Variants in SCAF8 observed in about 807,000 individuals in gnomAD.
The protein encoded by SCAF8 is SR-related and CTD-associated factor 8.
In SCAF8, 23 loss-of-function variants were observed where a neutral mutation model predicts 140.5. That is an observed-to-expected ratio of 0.16 (90% CI 0.12 to 0.23). The LOEUF (loss-of-function observed/expected upper bound fraction) is 0.23, where lower values mean the gene tolerates loss of function less well. Ranked by LOEUF, SCAF8 falls within the 10% of genes least tolerant of loss-of-function variation. The pLI is 1.00. For synonymous variants in SCAF8, 575 were observed against 528.9 expected (o/e 1.09, Z -1.20); for missense variants, 1,397 against 1,555.7 (o/e 0.90, Z 1.72).
At chr6:154,813,759 G>A (rs1365427401) in intron 12 of SCAF8, among the ~76,000 whole-genome samples, 1 of 152,114 alleles carries the variant, frequency 6.6e-6, no homozygotes, top group African/African-American at 2.4e-5. Context: ...TTAATTACAC[G>A]GGTACATAAG....
chr6:154,783,901 C>T (rs1220514327), intron 3 of SCAF8, among the ~76,000 whole-genome samples: 1 of 151,568 alleles, frequency 6.6e-6, no homozygotes, highest in Non-Finnish European at 1.5e-5. Context: ...GAAATCCCGT[C>T]TCTACTAATA....
At chr6:154,775,627 G>A (rs1344528792) in intron 2 of SCAF8, among the ~76,000 whole-genome samples, 1 of 152,094 alleles carries the variant, frequency 6.6e-6, no homozygotes, top group Admixed American at 6.6e-5. Context: ...CTAACTCTTT[G>A]GACACAGTGG....
At chr6:154,773,242 A>G (rs1776822727) in intron 1 of SCAF8, among the ~76,000 whole-genome samples, 1 of 152,196 alleles carries the variant, frequency 6.6e-6, no homozygotes, top group Admixed American at 6.6e-5. Context: ...CAGCTCTTTC[A>G]GCCCTAGACA....
At chr6:154,821,789 T>C (rs1778429410) in intron 15 of SCAF8, among the ~76,000 whole-genome samples, 1 of 152,176 alleles carries the variant, frequency 6.6e-6, no homozygotes, top group African/African-American at 2.4e-5. Flanking sequence ...GTCATGTAAA[T>C]CTTATTTGTC....
chr6:154,770,369 T>TACACACAC lies in SCAF8; in HGVS notation c.31-3607_31-3600dup, dbSNP rs1226898910. Among the ~76,000 whole-genome samples the TACACACAC allele has an allele frequency of 1.0e-3, 149 of 146,280 alleles. 1 individual carries two copies. The highest frequency in any genetic ancestry group is 2.0e-3 in the Non-Finnish European group (129 of 65,664). On this transcript the variant is annotated intron_variant, in intron 1 of 19. Coordinates refer to ENST00000367178, the MANE Select transcript of SCAF8 (RefSeq NM_014892.5). ...GTGCCAGCTACTTGAGAGGTTGAGG[T>TACACACAC]ACACACACACACACACACACTCTCT...
intron 12 of SCAF8, among the ~76,000 whole-genome samples, chr6:154,814,943 A>G (rs1778203009): frequency 6.6e-6 from 1 of 152,160 alleles, no homozygotes; most frequent in Non-Finnish European, 1.5e-5. Context: ...TGCTGTTTTT[A>G]GATTTATCTC....
chr6:154,759,033 C>T (rs1211282064), intron 1 of SCAF8, among the ~76,000 whole-genome samples: 1 of 152,182 alleles, frequency 6.6e-6, no homozygotes, highest in Non-Finnish European at 1.5e-5. Context: ...CCTCAGCTCC[C>T]ATGCACAGCC....
At chr6:154,763,165 A>G (rs891143641) in intron 1 of SCAF8, among the ~76,000 whole-genome samples, 5 of 151,922 alleles carry the variant, frequency 3.3e-5, no homozygotes, top group Non-Finnish European at 7.4e-5. Context: ...TCCCCTCCTC[A>G]TTCTGCTTTT....
chr6:154,812,996 T>G (rs1180064641), intron 12 of SCAF8, among the ~76,000 whole-genome samples: 1 of 150,570 alleles, frequency 6.6e-6, no homozygotes, highest in African/African-American at 2.4e-5. Flanking sequence ...GCCAGGAGTT[T>G]AAGACCAGCC....
chr6:154,796,625 G>A (rs998025123), intron 6 of SCAF8, among the ~76,000 whole-genome samples: 1 of 151,974 alleles, frequency 6.6e-6, no homozygotes, highest in Non-Finnish European at 1.5e-5. Context: ...TGTATTCTGT[G>A]CAGTACAACC....
At chr6:154,796,165 T>G (rs930091362) in intron 6 of SCAF8, among the ~76,000 whole-genome samples, 1 of 152,194 alleles carries the variant, frequency 6.6e-6, no homozygotes, top group African/African-American at 2.4e-5. Flanking sequence ...CTCATAGAAA[T>G]ACCTCATTTT....
intron 1 of SCAF8, among the ~76,000 whole-genome samples, chr6:154,754,743 T>C (rs544846354): frequency 2.2e-4 from 34 of 152,216 alleles, no homozygotes; most frequent in Non-Finnish European, 4.9e-4. Flanking sequence ...TTGTAGGCTC[T>C]TCTTCTACTT....
At chr6:154,771,891 G>A (rs972984504) in intron 1 of SCAF8, among the ~76,000 whole-genome samples, 3 of 151,922 alleles carry the variant, frequency 2.0e-5, no homozygotes, top group Admixed American at 1.3e-4. Context: ...AGTTGGGGGG[G>A]AAAAAAAGAA....
At chr6:154,816,762 T>A (rs1778262769) in intron 13 of SCAF8, among the ~76,000 whole-genome samples, 1 of 152,218 alleles carries the variant, frequency 6.6e-6, no homozygotes, top group African/African-American at 2.4e-5. Context: ...ATGGCCAAAC[T>A]TGACTTTTCT....
intron 1 of SCAF8, among the ~76,000 whole-genome samples, chr6:154,759,587 A>G (rs752892392): frequency 2.6e-5 from 4 of 152,092 alleles, no homozygotes; most frequent in Admixed American, 6.5e-5. Context: ...ATTCGTCACA[A>G]TAATCTTTAA....
intron 1 of SCAF8, among the ~76,000 whole-genome samples, chr6:154,770,532 C>G (rs1169856547): frequency 1.3e-5 from 2 of 151,900 alleles, no homozygotes; most frequent in Non-Finnish European, 2.9e-5. Context: ...GCTTATGCCA[C>G]TGTACCACTC....
rs754503521 is a variant in SCAF8, at chr6:154,832,382, C to T, written c.2803C>T (p.Pro935Ser). 1 of 1,614,088 alleles carries T rather than the reference C, an allele frequency of 6.2e-7. No individual in the cohort carries two copies. Among genetic ancestry groups the T allele is most frequent in the East Asian group, 2.2e-5 (1 of 44,878 alleles). Residue 935 changes from proline (P) to serine (S), a missense_variant, in exon 20 of 20, where the codon CCT becomes TCT. Pro to Ser is a moderately conservative substitution (Grantham distance 74). Around this residue, in one of 5 missense-constraint regions of SCAF8, gnomAD observed 930 missense variants for 874.6 expected, o/e 1.06. Transcript: ENST00000367178. Reference sequence around the variant, plus strand: ...TCGTCCGGGACTAATACCACAGGCACCTGGGCCAAGATTCCCTTTAATACA... The same window carrying T: ...TCGTCCGGGACTAATACCACAGGCATCTGGGCCAAGATTCCCTTTAATACA... ...DIRPGLIPQA[P>S]GPRFPLIQPG... is the part of the protein sequence containing the mutation.
intron 18 of SCAF8, among the ~76,000 whole-genome samples, chr6:154,828,202 A>G (rs1778624707): frequency 1.3e-5 from 2 of 152,182 alleles, no homozygotes; most frequent in South Asian, 2.1e-4. Flanking sequence ...CAGAGTGGTG[A>G]TCTTTCTAAA....
chr6:154,746,519 C>G (rs1475343410), intron 1 of SCAF8, among the ~76,000 whole-genome samples: 2 of 152,170 alleles, frequency 1.3e-5, no homozygotes, highest in Admixed American at 6.5e-5. Context: ...AGGGTTCGTT[C>G]TAGCTTTCCC....
Sources: gnomAD v4.1 joint callset for allele counts (sites outside exome capture counted in the v4.1 genomes callset) on GRCh38, gnomAD v4.1.1 for gene constraint, gnomAD v4.1.1 regional missense constraint, MANE v1.5 for transcripts, NCBI Gene and HGNC (gene_info 2026-07-23, HGNC 2026-07-21) for gene names.